RIMS1: variants seen among roughly 807,000 people sequenced by gnomAD.
RIMS1 encodes the protein regulating synaptic membrane exocytosis protein 1.
RIMS1 carries 83 observed loss-of-function variants against 214.1 expected under a neutral mutation model. The observed-to-expected ratio is 0.39, with a 90% CI of 0.32 to 0.47. The LOEUF (loss-of-function observed/expected upper bound fraction) is 0.47. Among genes scored for constraint, RIMS1 ranks in the 20% least tolerant of loss-of-function variants. The pLI, the probability that RIMS1 is intolerant of heterozygous loss-of-function variation, is 0.99. For synonymous variants in RIMS1, 793 were observed against 786.8 expected, an observed-to-expected ratio of 1.01 and a Z score of -0.13; for missense variants, 2,050 against 2,161.8, an observed-to-expected ratio of 0.95 and a Z score of 1.03.
At chr6:72,183,973 A>G (rs1004094976) in intron 6 of RIMS1, among the ~76,000 whole-genome samples, 2 of 152,206 alleles carry the variant, frequency 1.3e-5, no homozygotes, top group African/African-American at 4.8e-5. Flanking sequence ...GCGGTATTAA[A>G]TCATAGCTGC....
At position 71,970,945 on chromosome 6, in the gene RIMS1, T is replaced by C. The variant is rs1795700186; in HGVS notation, c.245+1882T>C. ...GGACAGGCTTTAGCTTATAGATCAG[T>C]ATTTTTAAATTTGTAATTTATGATT... is the stretch of plus-strand genomic sequence containing the variant. On this transcript the variant is annotated intron_variant, in intron 2 of 33. Coordinates refer to ENST00000521978, the MANE Select transcript of RIMS1 (RefSeq NM_014989.7). 2.6e-5 allele frequency among the ~76,000 whole-genome samples: 4 copies of C among 152,220 alleles called. No homozygotes were observed. The South Asian group carries it at 8.3e-4, about 31-fold the overall frequency.
intron 16 of RIMS1, among the ~76,000 whole-genome samples, chr6:72,257,236 C>G (rs1355240922): frequency 3.4e-5 from 5 of 148,648 alleles, no homozygotes; most frequent in African/African-American, 9.9e-5. Context: ...TTTTTATTTT[C>G]CTTATGATAA....
chr6:72,128,432 T>TA (rs929576103), intron 4 of RIMS1, among the ~76,000 whole-genome samples: 22 of 151,438 alleles, frequency 1.5e-4, no homozygotes, highest in African/African-American at 4.4e-4. Context: ...TTGCCCCCTT[T>TA]AAAAAAAATG....
chr6:72,380,682 C>G (rs999046322), intron 29 of RIMS1, among the ~76,000 whole-genome samples: 1 of 152,116 alleles, frequency 6.6e-6, no homozygotes, highest in South Asian at 2.1e-4. Flanking sequence ...TCAGTATACT[C>G]GTGTAATACT....
Position 72,114,307 on chromosome 6 carries a change from C to T in RIMS1, c.471+14321C>T, listed in dbSNP as rs9446571. Among the ~76,000 whole-genome samples the T allele has an allele frequency of 3.8e-3, 582 of 151,888 alleles. 3 individuals carry two copies. Among genetic ancestry groups the T allele is most frequent in the African/African-American group, 0.014 (567 of 41,456 alleles). On this transcript the variant is annotated intron_variant, in intron 4 of 33. Transcript: ENST00000521978. ...CATGGAATTGTATTCGCACTGGAGTCGTATTAGTTATTACAGGCAAAATTC... is the reference window on the plus strand; with the variant it reads ...CATGGAATTGTATTCGCACTGGAGTTGTATTAGTTATTACAGGCAAAATTC...
chr6:72,304,771 T>TA (rs369792449), intron 26 of RIMS1, among the ~76,000 whole-genome samples: 1 of 151,990 alleles, frequency 6.6e-6, no homozygotes, highest in East Asian at 1.9e-4. Flanking sequence ...TGAAAAGTAC[T>TA]AAAAAAAGTG....
chr6:72,040,451 A>G (rs1821130562), intron 2 of RIMS1, among the ~76,000 whole-genome samples: 2 of 152,026 alleles, frequency 1.3e-5, no homozygotes, highest in African/African-American at 2.4e-5. Flanking sequence ...CTTTTATTTT[A>G]CAGATGAGAA....
At chr6:72,081,989 A>G (rs1833532833) in intron 2 of RIMS1, among the ~76,000 whole-genome samples, 1 of 152,220 alleles carries the variant, frequency 6.6e-6, no homozygotes, top group Non-Finnish European at 1.5e-5. Context: ...TCCAGAATGC[A>G]TTAGAAAATA....
At chr6:71,903,155 G>A (rs559163331) in intron 1 of RIMS1, among the ~76,000 whole-genome samples, 1 of 152,224 alleles carries the variant, frequency 6.6e-6, no homozygotes, top group Admixed American at 6.5e-5. Context: ...CAGTGTAGAA[G>A]CATTCCTTTT....
intron 28 of RIMS1, among the ~76,000 whole-genome samples, chr6:72,322,160 A>G (rs2096206854): frequency 1.3e-5 from 2 of 152,114 alleles, no homozygotes. Context: ...TCACAGCCTT[A>G]AAAAGTCCAA....
chr6:72,241,579 T>G (rs1465088789), intron 9 of RIMS1, among the ~76,000 whole-genome samples: 1 of 152,180 alleles, frequency 6.6e-6, no homozygotes, highest in East Asian at 1.9e-4. Context: ...TTAACAACTA[T>G]GTACTGTATT....
chr6:72,148,203 A>G (rs1391472193), intron 4 of RIMS1, among the ~76,000 whole-genome samples: 2 of 152,206 alleles, frequency 1.3e-5, no homozygotes, highest in African/African-American at 4.8e-5. Flanking sequence ...CCATCTGGGA[A>G]GAGAGGATAA....
chr6:72,199,715 G>C (rs2051598734), intron 6 of RIMS1, among the ~76,000 whole-genome samples: 1 of 152,046 alleles, frequency 6.6e-6, no homozygotes, highest in African/African-American at 2.4e-5. Context: ...ATATAGAATT[G>C]TAGAAAGATA....
At chr6:71,956,355 A>G (rs890663707) in intron 1 of RIMS1, among the ~76,000 whole-genome samples, 1 of 148,266 alleles carries the variant, frequency 6.7e-6, no homozygotes, top group African/African-American at 2.4e-5. Context: ...TTAACATAAT[A>G]TAAGTTGAAA....
At chr6:72,355,889 C>T (rs540220841) in intron 29 of RIMS1, among the ~76,000 whole-genome samples, 2 of 152,216 alleles carry the variant, frequency 1.3e-5, no homozygotes, top group South Asian at 2.1e-4. Context: ...ACACTTTTGA[C>T]GTTTCTGTGA....
chr6:72,067,153 C>A (rs1829513670), intron 2 of RIMS1, among the ~76,000 whole-genome samples: 1 of 152,170 alleles, frequency 6.6e-6, no homozygotes, highest in South Asian at 2.1e-4. Context: ...TGATCATGTA[C>A]ATCTTTCAAT....
chr6:72,365,741 T>G (rs2097982465), intron 29 of RIMS1: 1 of 152,196 alleles, frequency 6.6e-6, no homozygotes, highest in Non-Finnish European at 1.5e-5. Flanking sequence ...AACAGAACAC[T>G]CTAGACTCTA....
chr6:72,380,324 C>G (rs1012283385), intron 29 of RIMS1, among the ~76,000 whole-genome samples: 10 of 152,142 alleles, frequency 6.6e-5, no homozygotes, highest in Admixed American at 6.5e-4. Flanking sequence ...TGCAGCACAC[C>G]AACATGGCAC....
At chr6:72,340,005 T>C (rs181015974) in intron 29 of RIMS1, among the ~76,000 whole-genome samples, 24 of 152,270 alleles carry the variant, frequency 1.6e-4, no homozygotes, top group African/African-American at 5.8e-4. Flanking sequence ...TATCTGATTG[T>C]GGTTTTGATT....
Sources: gnomAD v4.1 joint callset for allele counts (sites outside exome capture counted in the v4.1 genomes callset) on GRCh38, gnomAD v4.1.1 for gene constraint, MANE v1.5 for transcripts, NCBI Gene and HGNC (gene_info 2026-07-23, HGNC 2026-07-21) for gene names.